The following LVRN variants were observed in gnomAD, a reference collection of about 807,000 sequenced individuals.
LVRN encodes the protein aminopeptidase Q.
A neutral mutation model predicts 111.4 loss-of-function variants in LVRN; 99 were observed. The ratio of observed to expected loss-of-function variants is 0.89; its 90% confidence interval spans 0.76 to 1.05. The LOEUF (loss-of-function observed/expected upper bound fraction) is 1.05. Ranked by LOEUF, LVRN falls within the 50% of genes least tolerant of loss-of-function variation. The pLI is 0.00. For synonymous variants in LVRN, 488 were observed against 449.5 expected (o/e 1.09, Z -1.08); for missense variants, 1,414 against 1,206.8 (o/e 1.17, Z -2.54).
Position 116,000,479 on chromosome 5 carries a change from T to C in LVRN, c.1562T>C (p.Leu521Ser). Reference sequence around the variant, plus strand: ...CTTTCTTGTTTCTTGAATGAGCATTTATTTGTCAGTGCACTCAAGGTGAGT... The same window carrying C: ...CTTTCTTGTTTCTTGAATGAGCATTCATTTGTCAGTGCACTCAAGGTGAGT... ...RMLSCFLNEH[L>S]FVSALKSYLK... The change falls in exon 8 of 20, where the codon TTA becomes TCA. Residue 521 changes from leucine (L) to serine (S), a missense_variant. Transcript: ENST00000357872. 1 of 1,614,188 alleles carries C rather than the reference T, an allele frequency of 6.2e-7. No homozygotes were observed. The highest frequency in any genetic ancestry group is 1.1e-5 in the South Asian group (1 of 91,088).
chr5:115,974,223 T>G (rs947087617), intron 1 of LVRN, among the ~76,000 whole-genome samples: 1 of 152,208 alleles, frequency 6.6e-6, no homozygotes, highest in East Asian at 1.9e-4. Flanking sequence ...AGAAGAGAAA[T>G]TGCCAGATCA....
chr5:116,008,813 C>T (rs1748430833), intron 13 of LVRN, among the ~76,000 whole-genome samples: 1 of 152,128 alleles, frequency 6.6e-6, no homozygotes, highest in South Asian at 2.1e-4. Flanking sequence ...TTAGTTCATG[C>T]AGATTAAGGA....
At chr5:115,973,835 T>A (rs1490360677) in intron 1 of LVRN, among the ~76,000 whole-genome samples, 1 of 152,212 alleles carries the variant, frequency 6.6e-6, no homozygotes, top group African/African-American at 2.4e-5. Flanking sequence ...CACTTACTAG[T>A]TGTCTAACCA....
chr5:115,977,148 T>C (rs779668048), intron 1 of LVRN, among the ~76,000 whole-genome samples: 120 of 152,332 alleles, frequency 7.9e-4, no homozygotes, highest in Non-Finnish European at 1.7e-3. Context: ...TGATTACTAT[T>C]TGTCCAAAGA....
At chr5:115,972,497 T>G (rs570273769) in intron 1 of LVRN, among the ~76,000 whole-genome samples, 1 of 151,998 alleles carries the variant, frequency 6.6e-6, no homozygotes, top group South Asian at 2.1e-4. Context: ...AGCTTTTAAT[T>G]TTCCATTAAA....
chr5:115,978,754 C>T (rs1753502167), intron 1 of LVRN, among the ~76,000 whole-genome samples: 1 of 152,058 alleles, frequency 6.6e-6, no homozygotes, highest in South Asian at 2.1e-4. Flanking sequence ...CTTTACCTCA[C>T]GTTTCTACTC....
Position 116,005,936 on chromosome 5 carries a change from C to A in LVRN, c.2062C>A (p.Gln688Lys), listed in dbSNP as rs1748361969. Residue 688 changes from glutamine to lysine, a missense_variant, in exon 13 of 20, where the codon CAG becomes AAG. Transcript: ENST00000357872. ...PKAIPVIHRL[Q>K]LIDDAFSLSK... Reference sequence around the variant, plus strand: ...GGCGATTCCTGTTATTCACAGACTGCAGTTGATTGATGATGCCTTTTCCTT... The same window carrying A: ...GGCGATTCCTGTTATTCACAGACTGAAGTTGATTGATGATGCCTTTTCCTT... 2 of 1,598,678 alleles carry A rather than the reference C, an allele frequency of 1.3e-6. No individual in the cohort carries two copies. The highest frequency in any genetic ancestry group is 1.7e-6 in the Non-Finnish European group (2 of 1,166,170).
chr5:116,002,199 G>GTCT (rs1487891697), intron 10 of LVRN, among the ~76,000 whole-genome samples: 14 of 152,198 alleles, frequency 9.2e-5, no homozygotes, highest in African/African-American at 1.2e-4. Flanking sequence ...ACAGTTGACA[G>GTCT]TCTTCAAGAC....
At chr5:115,972,982 G>C (rs566671879) in intron 1 of LVRN, among the ~76,000 whole-genome samples, 2 of 151,402 alleles carry the variant, frequency 1.3e-5, no homozygotes, top group African/African-American at 2.4e-5. Context: ...AGGCTGGAGT[G>C]CAGTGGTGCA....
chr5:116,009,472 G>A (rs990763260), intron 13 of LVRN, among the ~76,000 whole-genome samples: 4 of 152,128 alleles, frequency 2.6e-5, no homozygotes, highest in African/African-American at 9.7e-5. Flanking sequence ...AGCTTCCATA[G>A]ATAATGATCC....
chr5:116,001,303 C>T, intron 10 of LVRN, 64 bp downstream of exon 10: 1 of 1,557,556 alleles, frequency 6.4e-7, no homozygotes, highest in South Asian at 1.1e-5. Flanking sequence ...CCAATGGAAT[C>T]CAGCCTGTGG....
At chr5:115,963,788 C>T (rs1332294871) in intron 1 of LVRN, among the ~76,000 whole-genome samples, 1 of 152,146 alleles carries the variant, frequency 6.6e-6, no homozygotes, top group African/African-American at 2.4e-5. Flanking sequence ...CGGCGGAGAC[C>T]GCGGTCCTTC....
intron 18 of LVRN, among the ~76,000 whole-genome samples, chr5:116,019,560 C>T (rs1171007410): frequency 1.3e-5 from 2 of 152,210 alleles, no homozygotes; most frequent in African/African-American, 4.8e-5. Context: ...TGCCCATAGT[C>T]AGTTGCTTTT....
intron 18 of LVRN, 29 bp downstream of exon 18, chr5:116,015,794 A>G (rs766797316): frequency 1.2e-6 from 2 of 1,610,398 alleles, no homozygotes; most frequent in Admixed American, 1.7e-5. Context: ...CCTTTCTTTC[A>G]TTTAGGCCAC....
At position 115,962,706 on chromosome 5, in the gene LVRN, TG is replaced by T. The variant is rs1753105689; in HGVS notation, c.91del (p.Ala31ProfsTer48). On this transcript the variant is annotated frameshift_variant, in exon 1 of 20. Coordinates refer to ENST00000357872, the MANE Select transcript of LVRN (RefSeq NM_173800.5). LOFTEE classifies it high-confidence loss of function. ...AGLVAALLLA[L>X]AVLAALYGHC... ...CTGGTAGCCGCCCTCCTGCTGGCGC[TG>T]GCCGTACTCGCCGCCTTGTACGGCC... 1.2e-6 allele frequency: 2 copies of T among 1,611,498 alleles called. No individual in the cohort carries two copies. The highest frequency in any genetic ancestry group is 2.7e-5 in the African/African-American group (2 of 74,900).
At chr5:116,009,741 A>G (rs1169623568) in intron 13 of LVRN, among the ~76,000 whole-genome samples, 3 of 152,220 alleles carry the variant, frequency 2.0e-5, no homozygotes, top group African/African-American at 7.2e-5. Flanking sequence ...AATTGCTGCA[A>G]TCTCATGATC....
intron 17 of LVRN, 84 bp from the exon 18 acceptor site, chr5:116,015,544 C>A (rs17138668): frequency 0.063 from 95,769 of 1,510,172 alleles, 4,623 homozygotes; most frequent in East Asian, 0.27. Flanking sequence ...TACCTTAGAA[C>A]CATGGGATTT....
At chr5:115,980,007 C>G (rs1753528929) in intron 1 of LVRN, among the ~76,000 whole-genome samples, 1 of 152,046 alleles carries the variant, frequency 6.6e-6, no homozygotes, top group Non-Finnish European at 1.5e-5. Context: ...TGATCCACTT[C>G]CAGCACAAGA....
chr5:115,990,717 G>A (rs1747966931), intron 4 of LVRN, among the ~76,000 whole-genome samples: 1 of 151,934 alleles, frequency 6.6e-6, no homozygotes, highest in Non-Finnish European at 1.5e-5. Flanking sequence ...GATTACAGGT[G>A]CGCACCACCA....
Sources: gnomAD v4.1 joint callset for allele counts (sites outside exome capture counted in the v4.1 genomes callset) on GRCh38, gnomAD v4.1.1 for gene constraint, MANE v1.5 for transcripts, NCBI Gene and HGNC (gene_info 2026-07-23, HGNC 2026-07-21) for gene names.